ATP2C1: variants seen among roughly 807,000 people sequenced by gnomAD.
ATP2C1 encodes ATPase secretory pathway Ca2+ transporting 1, also known as calcium-transporting ATPase type 2C member 1.
ATP2C1 carries 31 observed loss-of-function variants against 120.5 expected under a neutral mutation model. That is an observed-to-expected ratio of 0.26 (90% CI 0.19 to 0.35). ATP2C1 has a LOEUF of 0.35. Among genes scored for constraint, ATP2C1 ranks in the 10% least tolerant of loss-of-function variants. ATP2C1 has a pLI of 1.00. For synonymous variants in ATP2C1, 351 were observed against 358.7 expected (o/e 0.98, Z 0.24); for missense variants, 731 against 1,107.5 (o/e 0.66, Z 4.83).
Position 130,918,818 on chromosome 3 carries a change from G to A in ATP2C1, c.7-11598G>A, listed in dbSNP as rs182077675. The A allele has an allele frequency of 1.5e-4, 50 of 338,466 alleles. 1 individual carries two copies. The highest frequency in any genetic ancestry group is 8.7e-4 in the African/African-American group (40 of 46,242). The allele number at this position is 338,466 out of a possible 1,614,324, so 21.0% of individuals were successfully genotyped here. A position where few individuals can be genotyped will look rare whatever the true frequency, so the allele number is the denominator to read the frequency against. ...CATCCTGGCTAACATGGTGAAACCC[G>A]GTCTCTACTAAAAATACAAAAAAAT... On this transcript the variant is annotated intron_variant, in intron 2 of 27. Coordinates refer to ENST00000510168, the MANE Select transcript of ATP2C1 (RefSeq NM_001378687.1).
chr3:130,896,713 G>A (rs1156522499), intron 2 of ATP2C1, among the ~76,000 whole-genome samples: 1 of 152,142 alleles, frequency 6.6e-6, no homozygotes, highest in African/African-American at 2.4e-5. Flanking sequence ...AAAGCTGTGT[G>A]ATTTTAAGTA....
At chr3:130,888,839 G>A (rs1274204401) in intron 1 of ATP2C1, among the ~76,000 whole-genome samples, 2 of 152,158 alleles carry the variant, frequency 1.3e-5, no homozygotes, top group Non-Finnish European at 2.9e-5. Flanking sequence ...GCAGTTAGTT[G>A]TTAAACTTTC....
chr3:130,934,062 A>T (rs2059564213), intron 4 of ATP2C1, among the ~76,000 whole-genome samples: 1 of 152,192 alleles, frequency 6.6e-6, no homozygotes, highest in South Asian at 2.1e-4. Flanking sequence ...GATCAGGTTG[A>T]TGCTATAGTC....
At chr3:130,851,988 G>A (rs945604963) in intron 1 of ATP2C1, among the ~76,000 whole-genome samples, 13 of 152,130 alleles carry the variant, frequency 8.5e-5, no homozygotes, top group African/African-American at 3.1e-4. Context: ...GCATAATTTG[G>A]AAAATAAAAA....
At chr3:130,900,881 A>C (rs1277445343) in intron 2 of ATP2C1, among the ~76,000 whole-genome samples, 1 of 152,132 alleles carries the variant, frequency 6.6e-6, no homozygotes, top group Non-Finnish European at 1.5e-5. Flanking sequence ...TGAGATTTAT[A>C]TCTCTCTTTG....
intron 1 of ATP2C1, among the ~76,000 whole-genome samples, chr3:130,856,664 T>C (rs776784275): frequency 1.9e-4 from 29 of 152,286 alleles, no homozygotes; most frequent in Admixed American, 4.6e-4. Flanking sequence ...TGATCTTTCA[T>C]TGGCTTCCAT....
upstream of ATP2C1, among the ~76,000 whole-genome samples, chr3:130,890,942 G>T (rs759849870): frequency 1.3e-5 from 2 of 152,154 alleles, no homozygotes; most frequent in Non-Finnish European, 2.9e-5. Context: ...CAGGCATGGT[G>T]GTTCATGCCT....
At chr3:131,011,120 T>C (rs2063302287) in intron 26 of ATP2C1, among the ~76,000 whole-genome samples, 1 of 152,256 alleles carries the variant, frequency 6.6e-6, no homozygotes, top group Admixed American at 6.5e-5. Flanking sequence ...TTTTTAGCTA[T>C]GGTCTTTATC....
At chr3:130,935,198 A>G (rs1202251501) in intron 5 of ATP2C1, among the ~76,000 whole-genome samples, 1 of 152,228 alleles carries the variant, frequency 6.6e-6, no homozygotes, top group Non-Finnish European at 1.5e-5. Flanking sequence ...TGATTAGCAC[A>G]CATGAAAATT....
chr3:130,968,880 T>C (rs554926961), intron 16 of ATP2C1, among the ~76,000 whole-genome samples: 290 of 152,302 alleles, frequency 1.9e-3, no homozygotes, highest in Admixed American at 6.5e-3. Flanking sequence ...GGGACTAGGA[T>C]GATAACAGGT....
At position 130,975,467 on chromosome 3, in the gene ATP2C1, A is replaced by G; in HGVS notation, c.1549A>G (p.Met517Val). The change falls in exon 18 of 28, where the codon ATG becomes GTG. Residue 517 changes from methionine (M) to valine (V), a missense_variant. By Grantham distance (21) the Met-to-Val change is conservative. This residue lies in a region of ATP2C1 where 571 missense variants were observed against 845.9 expected (regional missense o/e 0.67). Transcript: ENST00000510168. ...RDVYQQEKAR[M>V]GSAGLRVLAL... ...TGTGTACCAACAAGAGAAGGCACGC[A>G]TGGGCTCAGCGGGACTCAGAGGTAA... 3 of 1,613,794 alleles carry G rather than the reference A, an allele frequency of 1.9e-6. No individual in the cohort carries two copies. The highest frequency in any genetic ancestry group is 2.5e-6 in the Non-Finnish European group (3 of 1,179,848).
At chr3:130,928,335 G>A (rs2059305322) in intron 2 of ATP2C1, 1 of 152,028 alleles carries the variant, frequency 6.6e-6, no homozygotes, top group South Asian at 2.1e-4. Context: ...GTGTTTTATT[G>A]TTTATTATAT....
At chr3:130,891,390 T>C (rs192136917), upstream of ATP2C1, among the ~76,000 whole-genome samples, 1,323 of 152,330 alleles carry the variant, frequency 8.7e-3, 64 homozygotes, top group Admixed American at 0.081. Context: ...AAAATTAGAA[T>C]GTCATGACCA....
intron 8 of ATP2C1, among the ~76,000 whole-genome samples, chr3:130,951,117 T>C (rs2060352431): frequency 6.6e-6 from 1 of 152,160 alleles, no homozygotes; most frequent in African/African-American, 2.4e-5. Context: ...GCTTGCTAAA[T>C]AAAATGAACC....
intron 4 of ATP2C1, among the ~76,000 whole-genome samples, chr3:130,933,544 T>TCAA (rs2059541509): frequency 6.6e-6 from 1 of 152,222 alleles, no homozygotes; most frequent in South Asian, 2.1e-4. Context: ...GCAACTGGAT[T>TCAA]CAAACCTAGG....
intron 19 of ATP2C1, among the ~76,000 whole-genome samples, chr3:130,980,152 A>C (rs1251965224): frequency 6.6e-6 from 1 of 152,178 alleles, no homozygotes; most frequent in African/African-American, 2.4e-5. Context: ...ACTGTACTTA[A>C]AATGCACTCT....
chr3:130,862,597 G>A (rs1219983069), intron 1 of ATP2C1, among the ~76,000 whole-genome samples: 1 of 152,146 alleles, frequency 6.6e-6, no homozygotes, highest in Non-Finnish European at 1.5e-5. Context: ...TTTTGGCTCT[G>A]TTTCTCCTTT....
At chr3:130,887,301 G>T (rs1576594764) in intron 1 of ATP2C1, among the ~76,000 whole-genome samples, 1 of 152,264 alleles carries the variant, frequency 6.6e-6, no homozygotes, top group African/African-American at 2.4e-5. Flanking sequence ...ACTAGGTCTT[G>T]CCCATGGCTT....
intron 8 of ATP2C1, among the ~76,000 whole-genome samples, chr3:130,948,485 C>A (rs941891950): frequency 4.0e-5 from 6 of 151,864 alleles, no homozygotes; most frequent in Non-Finnish European, 8.8e-5. Context: ...CTTTATCTTT[C>A]AATGGTTTGA....
Sources: allele counts gnomAD v4.1 joint callset (sites outside exome capture counted in the v4.1 genomes callset), GRCh38; gene constraint gnomAD v4.1.1; regional missense constraint gnomAD v4.1.1; transcripts MANE v1.5; gene names NCBI Gene and HGNC (gene_info 2026-07-23, HGNC 2026-07-21).